The following TRIM52 variants were observed in gnomAD, a reference collection of about 807,000 sequenced individuals.
The protein encoded by TRIM52 is E3 ubiquitin-protein ligase TRIM52.
In TRIM52, 24 loss-of-function variants were observed where a neutral mutation model predicts 27.0. The ratio of observed to expected loss-of-function variants is 0.89; its 90% CI spans 0.64 to 1.25. The LOEUF is 1.25. TRIM52 is among the 50% of genes most tolerant of loss of function. TRIM52 has a pLI of 0.00. For synonymous variants in TRIM52, 125 were observed against 126.5 expected (o/e 0.99, Z 0.08); for missense variants, 351 against 354.7 (o/e 0.99, Z 0.08).
At chr5:181,253,714 C>T (rs1295785492), downstream of TRIM52, among the ~76,000 whole-genome samples, 3 of 142,820 alleles carry the variant, frequency 2.1e-5, 1 homozygote, top group East Asian at 6.5e-4. Context: ...CTGGTCTAGG[C>T]TGGGTGTGGT....
Position 181,260,930 on chromosome 5 carries a change from T to A in TRIM52, c.-117A>T. On this transcript the variant is annotated 5_prime_UTR_variant, in exon 1 of 2. Transcript: ENST00000688015. The surrounding 1 kb of genome is among the most constrained non-coding windows in gnomAD (Gnocchi z 4.4). Reference sequence around the variant, plus strand: ...CCGAGGCTGTCCTCAACCTTGCTCTTCTTCCTCGGGGCCGCAGGGGAGCTT... The same window carrying A: ...CCGAGGCTGTCCTCAACCTTGCTCTACTTCCTCGGGGCCGCAGGGGAGCTT... 1 of 1,422,204 alleles carries A rather than the reference T, an allele frequency of 7.0e-7. No individual in the cohort carries two copies. The highest frequency in any genetic ancestry group is 9.3e-7 in the Non-Finnish European group (1 of 1,080,570). 88.1% of individuals were successfully genotyped at this position (1,422,204 alleles called of 1,614,324 possible).
Position 181,256,665 on chromosome 5 carries a change from G to C in TRIM52, c.*144C>G, listed in dbSNP as rs1413590063. On this transcript the variant is annotated 3_prime_UTR_variant, in exon 2 of 2. Transcript: ENST00000688015. ...TTTTTTTCTCCTTTGCAATTAAAAG[G>C]GCTGTTTAATATTAAGCTTTCACGG... The C allele has an allele frequency of 2.5e-5, 10 of 404,820 alleles. No individual in the cohort carries two copies. Among genetic ancestry groups the C allele is most frequent in the Non-Finnish European group, 3.0e-5 (9 of 299,554 alleles). The allele number at this position is 404,820 out of a possible 1,614,324, so 25.1% of individuals were successfully genotyped here. A position where few individuals can be genotyped will look rare whatever the true frequency, so the allele number is the denominator to read the frequency against.
At chr5:181,253,280 C>T (rs1333425782), downstream of TRIM52, among the ~76,000 whole-genome samples, 1 of 142,090 alleles carries the variant, frequency 7.0e-6, no homozygotes, top group Non-Finnish European at 1.5e-5. Context: ...GGTGATCTGC[C>T]TACCTCGGCC....
At chr5:181,258,783 CCTTA>C (rs1759901465) in intron 1 of TRIM52, 2 of 151,750 alleles carry the variant, frequency 1.3e-5, no homozygotes, top group Non-Finnish European at 2.9e-5. Context: ...CAGTACTTAC[CCTTA>C]CTATGTTCCA....
chr5:181,251,206 ACTGCTTGAAC>A (rs1759626355), downstream of TRIM52, among the ~76,000 whole-genome samples: 1 of 152,072 alleles, frequency 6.6e-6, no homozygotes, highest in African/African-American at 2.4e-5. Context: ...AGGCAGGAGA[ACTGCTTGAAC>A]CTGGGAGGTG....
At position 181,260,001 on chromosome 5, in the gene TRIM52, C is replaced by T; in HGVS notation, c.813G>A (p.Gln271=). ...CCCCACATTCCCTCATTTCTCTCAC[C>T]TGGTACTCCTGCACCACCTCCTCCA... ...LPLEEVVQEY[Q]KIGSTSSVEL... The change falls in exon 1 of 2, where the codon CAG becomes CAA. Residue 271 remains glutamine, a splice_region_variant and synonymous_variant. Transcript: ENST00000688015. This position sits in a 1 kb window ranked among gnomAD's most constrained non-coding sequence, Gnocchi z 4.4. 6.2e-7 allele frequency: 1 copy of T among 1,613,672 alleles called. No individual in the cohort carries two copies. The highest frequency in any genetic ancestry group is 8.5e-7 in the Non-Finnish European group (1 of 1,180,044).
chr5:181,259,862 C>T, intron 1 of TRIM52, 139 bp downstream of exon 1: 1 of 1,537,596 alleles, frequency 6.5e-7, no homozygotes, highest in Non-Finnish European at 8.7e-7. Flanking sequence ...TCTCTCTCCA[C>T]CGTGTCTCCC....
At chr5:181,254,973 T>C (rs1461497445), downstream of TRIM52, 1 of 152,192 alleles carries the variant, frequency 6.6e-6, no homozygotes, top group Non-Finnish European at 1.5e-5. Flanking sequence ...GATACAGCAG[T>C]GAACAGCTGA....
chr5:181,250,543 GAAA>G (rs978759785), downstream of TRIM52, among the ~76,000 whole-genome samples: 4 of 140,842 alleles, frequency 2.8e-5, no homozygotes, highest in Non-Finnish European at 6.3e-5. Flanking sequence ...CTCAAAAAAA[GAAA>G]AAAAAAAAGA....
downstream of TRIM52, among the ~76,000 whole-genome samples, chr5:181,251,881 G>A (rs763824828): frequency 9.2e-5 from 14 of 152,086 alleles, no homozygotes; most frequent in African/African-American, 2.2e-4. Context: ...GCTGTAACAC[G>A]GAAAGAACCC....
intron 1 of TRIM52, chr5:181,257,277 T>C (rs962693670): frequency 6.9e-6 from 9 of 1,297,786 alleles, no homozygotes; most frequent in African/African-American, 1.5e-5. Flanking sequence ...AAGCCTCTTC[T>C]TACAGAAAAT....
downstream of TRIM52, among the ~76,000 whole-genome samples, chr5:181,250,262 G>A (rs1248171571): frequency 2.0e-5 from 3 of 152,090 alleles, no homozygotes; most frequent in South Asian, 2.1e-4. Flanking sequence ...ATGGCCGGGC[G>A]CGGTGGTTCA....
At chr5:181,257,665 C>T in intron 1 of TRIM52, 1 of 461,956 alleles carries the variant, frequency 2.2e-6, no homozygotes, top group Admixed American at 4.0e-5. Context: ...ACATGTTTAC[C>T]AATGGAAGGA....
chr5:181,258,424 C>G (rs1348434446), intron 1 of TRIM52: 2 of 152,196 alleles, frequency 1.3e-5, no homozygotes, highest in Admixed American at 6.5e-5. Flanking sequence ...GGAAGGTTCT[C>G]TCTTTTCCTC....
At chr5:181,249,505 C>T (rs1039532685), downstream of TRIM52, among the ~76,000 whole-genome samples, 2 of 151,922 alleles carry the variant, frequency 1.3e-5, no homozygotes, top group African/African-American at 2.4e-5. Flanking sequence ...GAGACCCCAT[C>T]GCTATAAAAT....
downstream of TRIM52, among the ~76,000 whole-genome samples, chr5:181,252,399 A>G (rs1270276803): frequency 6.6e-6 from 1 of 152,224 alleles, no homozygotes; most frequent in Non-Finnish European, 1.5e-5. Flanking sequence ...GAGGTGCACT[A>G]GCCACATTTC....
downstream of TRIM52, among the ~76,000 whole-genome samples, chr5:181,251,902 T>C (rs1759642668): frequency 6.6e-6 from 1 of 152,190 alleles, no homozygotes; most frequent in Non-Finnish European, 1.5e-5. Context: ...ACTTACCTGC[T>C]TCAATACTAG....
chr5:181,260,004 G>GT lies in TRIM52; in HGVS notation c.809dup (p.Tyr270Ter). Residue 270 changes from tyrosine to a stop codon, truncating the protein, a stop_gained and frameshift_variant, in exon 1 of 2, where the codon TAC (tyrosine) becomes TAAC (stop). Transcript: ENST00000688015. LOFTEE classifies it high-confidence loss of function. This position sits in a 1 kb window ranked among gnomAD's most constrained non-coding sequence, Gnocchi z 4.4. ...VLPLEEVVQE[Y>*]QKIGSTSSVE... is the part of the protein sequence containing the mutation. ...CACATTCCCTCATTTCTCTCACCTGGTACTCCTGCACCACCTCCTCCAAAG... is the reference window on the plus strand; with the variant it reads ...CACATTCCCTCATTTCTCTCACCTGGTTACTCCTGCACCACCTCCTCCAAAG... 1 of 1,613,452 alleles carries GT rather than the reference G, an allele frequency of 6.2e-7. No homozygotes were observed. The highest frequency in any genetic ancestry group is 8.5e-7 in the Non-Finnish European group (1 of 1,180,014).
At chr5:181,251,038 C>G (rs1468758977), downstream of TRIM52, among the ~76,000 whole-genome samples, 2 of 152,114 alleles carry the variant, frequency 1.3e-5, no homozygotes, top group East Asian at 3.9e-4. Flanking sequence ...GCCTATAATC[C>G]CAGCACTTTG....
Sources: gnomAD v4.1 joint callset for allele counts (sites outside exome capture counted in the v4.1 genomes callset) on GRCh38, gnomAD v4.1.1 for gene constraint, Gnocchi (gnomAD v3.1) non-coding constraint, MANE v1.5 for transcripts, NCBI Gene and HGNC (gene_info 2026-07-23, HGNC 2026-07-21) for gene names.